Variants in LHFPL6 observed in about 807,000 individuals in gnomAD.
The protein encoded by LHFPL6 is LHFPL tetraspan subfamily member 6.
In LHFPL6, 9 loss-of-function variants were observed where a neutral mutation model predicts 20.6. The ratio of observed to expected loss-of-function variants is 0.44; its 90% CI spans 0.26 to 0.76. LHFPL6 has a LOEUF of 0.76. Ranked by LOEUF, LHFPL6 falls within the 30% of genes least tolerant of loss-of-function variation. LHFPL6 has a pLI of 0.20. For synonymous variants in LHFPL6, 105 were observed against 98.7 expected, an observed-to-expected ratio of 1.06 and a Z score of -0.38; for missense variants, 218 against 253.5, an observed-to-expected ratio of 0.86 and a Z score of 0.95.
chr13:39,567,486 T>A (rs912494350), intron 2 of LHFPL6, among the ~76,000 whole-genome samples: 1 of 152,162 alleles, frequency 6.6e-6, no homozygotes, highest in South Asian at 2.1e-4. Context: ...CAGAGCAAGA[T>A]CTAACAGACT....
At chr13:39,368,599 A>C (rs1406665481) in intron 3 of LHFPL6, among the ~76,000 whole-genome samples, 1 of 151,940 alleles carries the variant, frequency 6.6e-6, no homozygotes, top group Non-Finnish European at 1.5e-5. Flanking sequence ...CAATAACAAC[A>C]TCAAAAAAGA....
chr13:39,485,186 A>G (rs891852849), intron 2 of LHFPL6, among the ~76,000 whole-genome samples: 7 of 152,164 alleles, frequency 4.6e-5, no homozygotes, highest in South Asian at 2.1e-4. Flanking sequence ...AGCGGGAAAA[A>G]TCATGCTGCA....
intron 2 of LHFPL6, among the ~76,000 whole-genome samples, chr13:39,506,804 T>C (rs1406519588): frequency 6.6e-5 from 10 of 152,180 alleles, no homozygotes; most frequent in Admixed American, 5.2e-4. Flanking sequence ...TAAAGCTAGC[T>C]TTTCTTTCAC....
In LHFPL6 at chr13:39,349,788, C is replaced by T. The variant is rs758337169; in HGVS notation, c.485-5734G>A. On this transcript the variant is annotated intron_variant, in intron 3 of 3. Transcript: ENST00000379589. ...TGCAGATGTTCAGGAGTGAGCCAAG[C>T]GTGAATGTGGGGGGCCAGGGAACAG... Among the ~76,000 whole-genome samples the T allele has an allele frequency of 1.3e-4, 20 of 151,988 alleles. 1 individual carries two copies. The highest frequency in any genetic ancestry group is 2.1e-4 in the Non-Finnish European group (14 of 68,010).
At chr13:39,390,682 C>T (rs1870684584) in intron 2 of LHFPL6, among the ~76,000 whole-genome samples, 1 of 152,100 alleles carries the variant, frequency 6.6e-6, no homozygotes, top group Admixed American at 6.5e-5. Flanking sequence ...TAAATCCATA[C>T]AAATAAAAAC....
At chr13:39,445,275 A>C (rs2138416939) in intron 2 of LHFPL6, among the ~76,000 whole-genome samples, 1 of 152,340 alleles carries the variant, frequency 6.6e-6, no homozygotes, top group African/African-American at 2.4e-5. Context: ...GATAACTTAT[A>C]AATCTCTATC....
chr13:39,458,297 A>G (rs1872615542), intron 2 of LHFPL6, among the ~76,000 whole-genome samples: 1 of 152,212 alleles, frequency 6.6e-6, no homozygotes, highest in Non-Finnish European at 1.5e-5. Context: ...GTAGAAAAGT[A>G]CAGGCTAAGA....
Position 39,600,887 on chromosome 13 carries a change from G to T in LHFPL6, c.330C>A (p.Ser110=). The T allele has an allele frequency of 6.4e-7, 1 of 1,550,770 alleles. No individual in the cohort carries two copies. The highest frequency in any genetic ancestry group is 8.7e-7 in the Non-Finnish European group (1 of 1,146,492). ...TTCCCACTGTCCTGGAGATGAGGTCGGAAACACAGCAACCCATGAGGGCAG... is the reference window on the plus strand; with the variant it reads ...TTCCCACTGTCCTGGAGATGAGGTCTGAAACACAGCAACCCATGAGGGCAG... ...ALTALMGCCV[S]DLISRTVGRV... is the part of the protein sequence containing the mutation. Residue 110 remains serine (S), a synonymous_variant, in exon 2 of 4, where the codon TCC becomes TCA. Transcript: ENST00000379589.
intron 3 of LHFPL6, among the ~76,000 whole-genome samples, chr13:39,352,867 A>ATATATATATAAATGTATATATGTG (rs1566091549): frequency 4.0e-5 from 3 of 75,402 alleles, no homozygotes; most frequent in South Asian, 5.0e-4. Flanking sequence ...ATATATGTGT[A>ATATATATATAAATGTATATATGTG]TATATATATA....
intron 2 of LHFPL6, among the ~76,000 whole-genome samples, chr13:39,542,866 C>T (rs1396353779): frequency 1.3e-5 from 2 of 152,196 alleles, no homozygotes; most frequent in Non-Finnish European, 2.9e-5. Context: ...ATATACGTAA[C>T]ATAAAATTTA....
chr13:39,409,076 T>G (rs2479090), intron 2 of LHFPL6, among the ~76,000 whole-genome samples: 93,582 of 152,038 alleles, frequency 0.62, 29,237 homozygotes, highest in Admixed American at 0.7. Flanking sequence ...ATCACCTAAA[T>G]CTATGCGCCA....
intron 2 of LHFPL6, among the ~76,000 whole-genome samples, chr13:39,423,367 G>T (rs537076103): frequency 6.6e-6 from 1 of 152,108 alleles, no homozygotes; most frequent in South Asian, 2.1e-4. Flanking sequence ...AATACAGGAT[G>T]TTTCGCAATG....
intron 2 of LHFPL6, among the ~76,000 whole-genome samples, chr13:39,555,298 CTT>C (rs1871271394): frequency 6.7e-6 from 1 of 149,232 alleles, no homozygotes; most frequent in Non-Finnish European, 1.5e-5. Context: ...TACAGTAAAA[CTT>C]TGAAAAACAG....
intron 2 of LHFPL6, among the ~76,000 whole-genome samples, chr13:39,409,288 T>C (rs1308964189): frequency 6.6e-6 from 1 of 151,986 alleles, no homozygotes; most frequent in Non-Finnish European, 1.5e-5. Context: ...ACCCCGTCTC[T>C]ACTAAAAATA....
intron 2 of LHFPL6, among the ~76,000 whole-genome samples, chr13:39,436,840 T>C (rs1449695554): frequency 1.3e-5 from 2 of 152,214 alleles, no homozygotes; most frequent in East Asian, 3.9e-4. Context: ...TAAATACAGC[T>C]ATGGCCCCAA....
chr13:39,416,876 CCA>C (rs1292995649), intron 2 of LHFPL6, among the ~76,000 whole-genome samples: 1 of 152,142 alleles, frequency 6.6e-6, no homozygotes, highest in African/African-American at 2.4e-5. Flanking sequence ...TTCTTGTCTA[CCA>C]TAGGCATATG....
intron 2 of LHFPL6, among the ~76,000 whole-genome samples, chr13:39,580,423 A>T (rs900879401): frequency 1.3e-5 from 2 of 152,222 alleles, no homozygotes; most frequent in African/African-American, 4.8e-5. Context: ...CCTACTAATA[A>T]GAATATTACA....
intron 2 of LHFPL6, among the ~76,000 whole-genome samples, chr13:39,438,480 G>A (rs564514071): frequency 2.4e-4 from 37 of 152,368 alleles, no homozygotes; most frequent in African/African-American, 8.9e-4. Context: ...TTCAGGGGAG[G>A]AATTCAACCA....
At position 39,491,323 on chromosome 13, in the gene LHFPL6, C is replaced by T. The variant is rs536476024; in HGVS notation, c.385+109509G>A. Among the ~76,000 whole-genome samples the T allele has an allele frequency of 9.2e-5, 14 of 152,134 alleles. No homozygotes were observed. The East Asian group carries it at 1.9e-3, about 21-fold the overall frequency. On this transcript the variant is annotated intron_variant, in intron 2 of 3. Coordinates refer to ENST00000379589, the MANE Select transcript of LHFPL6 (RefSeq NM_005780.3). ...AAATAGCATTTCTGACAGCTGGGTT[C>T]GCGTAAGGGATAACTCAGAGGCAAG...
Sources: gnomAD v4.1 joint callset for allele counts (sites outside exome capture counted in the v4.1 genomes callset) on GRCh38, gnomAD v4.1.1 for gene constraint, MANE v1.5 for transcripts, NCBI Gene and HGNC (gene_info 2026-07-23, HGNC 2026-07-21) for gene names.